Variants in NDUFAF2 observed in about 807,000 individuals in gnomAD.
NDUFAF2 encodes NADH:ubiquinone oxidoreductase complex assembly factor 2, also known as NADH dehydrogenase [ubiquinone] 1 alpha subcomplex assembly factor 2.
Under a neutral mutation model 22.8 loss-of-function variants are expected in NDUFAF2, and 13 were observed. The observed-to-expected ratio is 0.57, with a 90% CI of 0.37 to 0.91. The LOEUF is 0.91. Among genes scored for constraint, NDUFAF2 ranks in the 40% least tolerant of loss-of-function variants. The pLI, the probability that NDUFAF2 is intolerant of heterozygous loss-of-function variation, is 0.01. For synonymous variants in NDUFAF2, 53 were observed against 64.2 expected, an observed-to-expected ratio of 0.83 and a Z score of 0.84; for missense variants, 162 against 195.2, an observed-to-expected ratio of 0.83 and a Z score of 1.01.
Position 60,964,970 on chromosome 5 carries a change from C to T in NDUFAF2, c.127+19588C>T, listed in dbSNP as rs534722628. ...AATCCTTTGTCACGTATTTTCTGTCCGTTCCTCATGTTATGGTTGTTGCTA... is the reference window on the plus strand; with the variant it reads ...AATCCTTTGTCACGTATTTTCTGTCTGTTCCTCATGTTATGGTTGTTGCTA... On this transcript the variant is annotated intron_variant, in intron 1 of 3. Transcript: ENST00000296597. Among the ~76,000 whole-genome samples, 4 of 152,184 alleles carry T rather than the reference C, an allele frequency of 2.6e-5. No homozygotes were observed. In the South Asian group the frequency reaches 6.2e-4, roughly 24 times the overall value.
intron 3 of NDUFAF2, among the ~76,000 whole-genome samples, chr5:61,112,635 T>C (rs1193277573): frequency 6.6e-6 from 1 of 152,238 alleles, no homozygotes; most frequent in Non-Finnish European, 1.5e-5. Context: ...ATTTTCAGGC[T>C]ATATGAGTCT....
chr5:61,062,679 G>C (rs1752180165), intron 1 of NDUFAF2, among the ~76,000 whole-genome samples: 1 of 152,132 alleles, frequency 6.6e-6, no homozygotes, highest in Non-Finnish European at 1.5e-5. Flanking sequence ...TCTTGGGAGA[G>C]ATATGGATAT....
chr5:61,034,905 A>AAT (rs546346866), intron 1 of NDUFAF2, among the ~76,000 whole-genome samples: 3,680 of 139,740 alleles, frequency 0.026, 144 homozygotes, highest in East Asian at 0.19. Context: ...TAGGTAGGCA[A>AAT]ATATATATGT....
chr5:61,068,274 CA>C (rs1752254560), intron 1 of NDUFAF2, among the ~76,000 whole-genome samples: 1 of 152,090 alleles, frequency 6.6e-6, no homozygotes, highest in South Asian at 2.1e-4. Flanking sequence ...CTATGCTTAA[CA>C]AGGCAATCTT....
At chr5:61,077,687 G>A (rs1286941363) in intron 2 of NDUFAF2, among the ~76,000 whole-genome samples, 1 of 152,150 alleles carries the variant, frequency 6.6e-6, no homozygotes, top group African/African-American at 2.4e-5. Flanking sequence ...AAGAATTGCA[G>A]GAAAGAGGAA....
chr5:61,049,456 A>G (rs934254117), intron 1 of NDUFAF2, among the ~76,000 whole-genome samples: 3 of 152,294 alleles, frequency 2.0e-5, no homozygotes, highest in East Asian at 1.9e-4. Flanking sequence ...TAAAATACAC[A>G]TAACATAAAA....
At chr5:61,010,026 T>G (rs995882174) in intron 1 of NDUFAF2, among the ~76,000 whole-genome samples, 1 of 152,264 alleles carries the variant, frequency 6.6e-6, no homozygotes, top group Middle Eastern at 3.4e-3. Flanking sequence ...TTCAATTGTC[T>G]GTCAATTAGA....
intron 1 of NDUFAF2, among the ~76,000 whole-genome samples, chr5:60,977,988 A>G (rs1347787268): frequency 6.6e-6 from 1 of 152,158 alleles, no homozygotes; most frequent in Non-Finnish European, 1.5e-5. Context: ...TTAAAATCAT[A>G]ATAAGGAAAG....
At chr5:61,002,415 A>G (rs1224238812) in intron 1 of NDUFAF2, among the ~76,000 whole-genome samples, 6 of 152,172 alleles carry the variant, frequency 3.9e-5, no homozygotes. Flanking sequence ...ACGTGATTTT[A>G]TATTTCAGAA....
At chr5:61,136,500 G>A (rs1740950254) in intron 3 of NDUFAF2, among the ~76,000 whole-genome samples, 1 of 152,064 alleles carries the variant, frequency 6.6e-6, no homozygotes, top group Admixed American at 6.6e-5. Flanking sequence ...CGTTGAATAT[G>A]TCTCAATTCT....
intron 1 of NDUFAF2, among the ~76,000 whole-genome samples, chr5:60,964,242 C>T (rs186233977): frequency 6.6e-6 from 1 of 151,958 alleles, no homozygotes; most frequent in African/African-American, 2.4e-5. Context: ...ACTGTTATAC[C>T]ACATTTGGTT....
At chr5:61,037,395 A>G (rs927565726) in intron 1 of NDUFAF2, among the ~76,000 whole-genome samples, 3 of 152,110 alleles carry the variant, frequency 2.0e-5, no homozygotes, top group African/African-American at 7.2e-5. Context: ...TGAAGGTGGA[A>G]ACTCATACAA....
chr5:60,968,110 T>C (rs1750781354), intron 1 of NDUFAF2, among the ~76,000 whole-genome samples: 2 of 151,924 alleles, frequency 1.3e-5, no homozygotes, highest in Non-Finnish European at 2.9e-5. Context: ...TTCTAGGTTA[T>C]ACAATTTGTT....
At chr5:61,139,566 G>A (rs554440157) in intron 3 of NDUFAF2, among the ~76,000 whole-genome samples, 2 of 152,310 alleles carry the variant, frequency 1.3e-5, no homozygotes, top group South Asian at 2.1e-4. Flanking sequence ...CTTAAATTTG[G>A]TATGTTTAAA....
intron 1 of NDUFAF2, among the ~76,000 whole-genome samples, chr5:61,033,519 T>C (rs1274072528): frequency 6.6e-6 from 1 of 152,160 alleles, no homozygotes; most frequent in Non-Finnish European, 1.5e-5. Context: ...TATTAAAGAA[T>C]TGTTTACATT....
intron 3 of NDUFAF2, among the ~76,000 whole-genome samples, chr5:61,101,163 TA>T (rs942869320): frequency 1.3e-5 from 2 of 152,116 alleles, no homozygotes; most frequent in Non-Finnish European, 2.9e-5. Flanking sequence ...CATATATTTA[TA>T]AACCGTAACA....
chr5:61,087,123 C>G (rs1184809472), intron 2 of NDUFAF2, among the ~76,000 whole-genome samples: 1 of 151,994 alleles, frequency 6.6e-6, no homozygotes, highest in Non-Finnish European at 1.5e-5. Context: ...GAGGGTGAGG[C>G]CTTAATGATA....
chr5:60,970,480 T>A lies in NDUFAF2; in HGVS notation c.127+25098T>A, dbSNP rs559267932. 9.9e-5 allele frequency among the ~76,000 whole-genome samples: 15 copies of A among 152,274 alleles called. No homozygotes were observed. The South Asian group carries it at 3.1e-3, about 32-fold the overall frequency. The stretch of plus-strand genomic sequence containing the variant: ...TAAGGTAATTTTTAGGTATTTTAGT[T>A]GTACTTATTAATGGGATTTCTTGAT... On this transcript the variant is annotated intron_variant, in intron 1 of 3. Coordinates refer to ENST00000296597, the MANE Select transcript of NDUFAF2 (RefSeq NM_174889.5).
chr5:61,122,760 G>C (rs533380089), intron 3 of NDUFAF2, among the ~76,000 whole-genome samples: 32 of 152,260 alleles, frequency 2.1e-4, no homozygotes, highest in South Asian at 4.1e-4. Flanking sequence ...GCATATAAAA[G>C]TCCTGTGGCA....
Sources: allele counts gnomAD v4.1 joint callset (sites outside exome capture counted in the v4.1 genomes callset), GRCh38; gene constraint gnomAD v4.1.1; transcripts MANE v1.5; gene names NCBI Gene and HGNC (gene_info 2026-07-23, HGNC 2026-07-21).